The following KLHL14 variants were observed in gnomAD, a reference collection of about 807,000 sequenced individuals.
KLHL14 encodes the protein kelch-like protein 14.
KLHL14 carries 22 observed loss-of-function variants against 64.3 expected under a neutral mutation model. That is an observed-to-expected ratio of 0.34 (90% CI 0.24 to 0.49). The LOEUF (loss-of-function observed/expected upper bound fraction) is 0.49, where lower values mean the gene tolerates loss of function less well. Ranked by LOEUF, KLHL14 falls within the 20% of genes least tolerant of loss-of-function variation. The pLI is 0.99. For missense variants in KLHL14, 661 were observed against 789.0 expected (o/e 0.84, Z 1.94); for synonymous variants, 322 against 333.4 (o/e 0.97, Z 0.37).
At chr18:32,696,625 A>C (rs1287881237) in intron 3 of KLHL14, among the ~76,000 whole-genome samples, 1 of 152,016 alleles carries the variant, frequency 6.6e-6, no homozygotes, top group Non-Finnish European at 1.5e-5. Flanking sequence ...TTAAGAAACC[A>C]GTGCAGTGGG....
intron 3 of KLHL14, among the ~76,000 whole-genome samples, chr18:32,727,305 T>C (rs2050112908): frequency 6.6e-6 from 1 of 152,240 alleles, no homozygotes; most frequent in Non-Finnish European, 1.5e-5. Context: ...TTTTACACTG[T>C]ATCCATATCT....
intron 3 of KLHL14, among the ~76,000 whole-genome samples, chr18:32,719,579 G>A (rs543904858): frequency 2.6e-5 from 4 of 152,320 alleles, no homozygotes; most frequent in African/African-American, 9.6e-5. Context: ...GATGTCATCC[G>A]TTTAATGATA....
intron 2 of KLHL14, among the ~76,000 whole-genome samples, chr18:32,766,212 GTTAA>G (rs1479644108): frequency 1.2e-4 from 18 of 152,008 alleles, no homozygotes; most frequent in Non-Finnish European, 2.2e-4. Context: ...ATTTTATCCA[GTTAA>G]TTAATATCTA....
intron 7 of KLHL14, among the ~76,000 whole-genome samples, chr18:32,679,743 TA>T (rs1183998346): frequency 2.6e-5 from 4 of 152,184 alleles, no homozygotes; most frequent in African/African-American, 7.2e-5. Context: ...ATATTACCTT[TA>T]AAAAAATCAC....
intron 3 of KLHL14, among the ~76,000 whole-genome samples, chr18:32,735,664 C>A (rs2050162341): frequency 6.6e-6 from 1 of 152,120 alleles, no homozygotes; most frequent in Non-Finnish European, 1.5e-5. Flanking sequence ...CAGGACTCTC[C>A]ACTGCCAGAT....
At chr18:32,696,850 T>C (rs1200016360) in intron 3 of KLHL14, among the ~76,000 whole-genome samples, 1 of 152,228 alleles carries the variant, frequency 6.6e-6, no homozygotes, top group African/African-American at 2.4e-5. Flanking sequence ...GGTTTGAGAC[T>C]CATAACACAG....
rs141668682 is a variant in KLHL14 at position 32,755,674 on chromosome 18, C to A, written c.948-13625G>T. 2.6e-3 allele frequency among the ~76,000 whole-genome samples: 402 copies of A among 152,240 alleles called. 1 individual carries two copies. Among genetic ancestry groups the A allele is most frequent in the African/African-American group, 9.2e-3 (382 of 41,548 alleles). ...TGATTTTCAAAATGTGGTCCAAAAT[C>A]TACTGGTAGCAGAACTACCTATGAT... On this transcript the variant is annotated intron_variant, in intron 2 of 8. Coordinates refer to ENST00000359358, the MANE Select transcript of KLHL14 (RefSeq NM_020805.3).
chr18:32,699,700 T>C lies in KLHL14; in HGVS notation c.1070-4148A>G, dbSNP rs1367651217. On this transcript the variant is annotated intron_variant, in intron 3 of 8. Coordinates refer to ENST00000359358, the MANE Select transcript of KLHL14 (RefSeq NM_020805.3). ...TTCCTGAGTGTTCAGTGATGGTGTT[T>C]CTGAAATTTGTGTATAATTTTTTAT... is the stretch of plus-strand genomic sequence containing the variant. Among the ~76,000 whole-genome samples the C allele has an allele frequency of 2.6e-5, 4 of 152,150 alleles. No individual in the cohort carries two copies. In the East Asian group the frequency reaches 5.8e-4, roughly 22 times the overall value.
At chr18:32,748,117 A>G (rs913522093) in intron 2 of KLHL14, among the ~76,000 whole-genome samples, 4 of 152,226 alleles carry the variant, frequency 2.6e-5, no homozygotes, top group African/African-American at 9.7e-5. Context: ...AGAGTAGCCT[A>G]GTTGTTAAGG....
intron 2 of KLHL14, among the ~76,000 whole-genome samples, chr18:32,768,209 C>T (rs1399008943): frequency 3.3e-5 from 5 of 152,098 alleles, no homozygotes; most frequent in African/African-American, 7.2e-5. Flanking sequence ...TTTGACAACA[C>T]GATTCGTTAA....
At chr18:32,688,148 G>A (rs968511833) in intron 4 of KLHL14, among the ~76,000 whole-genome samples, 2 of 152,192 alleles carry the variant, frequency 1.3e-5, no homozygotes, top group Admixed American at 6.5e-5. Flanking sequence ...TGTAGCACCT[G>A]AGATGATAAT....
intron 2 of KLHL14, among the ~76,000 whole-genome samples, chr18:32,746,666 T>C (rs1285060349): frequency 6.6e-6 from 1 of 152,260 alleles, no homozygotes; most frequent in African/African-American, 2.4e-5. Flanking sequence ...ATGCTGGCAC[T>C]TTATAATCAC....
intron 2 of KLHL14, 105 bp from the exon 3 acceptor site, chr18:32,742,154 C>G: frequency 7.5e-7 from 1 of 1,327,734 alleles, no homozygotes; most frequent in South Asian, 1.3e-5. Flanking sequence ...TTGCAGATAT[C>G]TGTTTCATTT....
rs2049798275 is a variant in KLHL14 at position 32,673,967 on chromosome 18, G to A, written c.*690C>T. The A allele has an allele frequency of 6.6e-6, 1 of 152,134 alleles. No individual in the cohort carries two copies. The highest frequency in any genetic ancestry group is 2.1e-4 in the South Asian group (1 of 4,828). 9.4% of individuals were successfully genotyped at this position (152,134 alleles called of 1,614,324 possible). A position where few individuals can be genotyped will look rare whatever the true frequency, so the allele number is the denominator to read the frequency against. ...TTGTTTTAATCTTTCAGATAAAATT[G>A]AGGACACAGAAATGACGACTCTGTC... On this transcript the variant is annotated 3_prime_UTR_variant, in exon 9 of 9. Transcript: ENST00000359358.
intron 2 of KLHL14, among the ~76,000 whole-genome samples, chr18:32,760,339 T>C (rs866793218): frequency 1.0e-4 from 15 of 146,942 alleles, no homozygotes; most frequent in East Asian, 2.3e-4. Flanking sequence ...CACACAGACA[T>C]ACACACACAC....
chr18:32,733,787 C>A, intron 3 of KLHL14: 1 of 193,982 alleles, frequency 5.2e-6, no homozygotes, highest in African/African-American at 2.3e-5. Context: ...TGGGCAGAAC[C>A]CTAATCAAGG....
intron 3 of KLHL14, among the ~76,000 whole-genome samples, chr18:32,715,967 G>A (rs2050043398): frequency 6.6e-6 from 1 of 152,214 alleles, no homozygotes; most frequent in Admixed American, 6.5e-5. Context: ...ATCTTCAATT[G>A]GAAAATCTAA....
rs777557909 is a variant in KLHL14, at chr18:32,770,633, A to G, written c.-42T>C. On this transcript the variant is annotated splice_region_variant and 5_prime_UTR_variant, in exon 2 of 9. Transcript: ENST00000359358. The surrounding 1 kb of genome is among the most constrained non-coding windows in gnomAD (Gnocchi z 6.7). ...GCACCTGGCTTTAAACCCTCCTCCA[A>G]CCTGGCAGACAGGGGTGGGGGATGG... 2 of 588,882 alleles carry G rather than the reference A, an allele frequency of 3.4e-6. No individual in the cohort carries two copies. The highest frequency in any genetic ancestry group is 5.2e-6 in the Non-Finnish European group (2 of 384,282). 36.5% of individuals were successfully genotyped at this position (588,882 alleles called of 1,614,324 possible).
chr18:32,689,188 T>C (rs183651938), intron 4 of KLHL14, among the ~76,000 whole-genome samples: 1 of 152,280 alleles, frequency 6.6e-6, no homozygotes, highest in Admixed American at 6.5e-5. Context: ...GGTAGGCCAC[T>C]GGCTAAGTGC....
Sources: gnomAD v4.1 joint callset for allele counts (sites outside exome capture counted in the v4.1 genomes callset) on GRCh38, gnomAD v4.1.1 for gene constraint, Gnocchi (gnomAD v3.1) non-coding constraint, MANE v1.5 for transcripts, NCBI Gene and HGNC (gene_info 2026-07-23, HGNC 2026-07-21) for gene names.